Variants in EPSTI1 observed in about 807,000 individuals in gnomAD.
EPSTI1 encodes epithelial-stromal interaction protein 1.
In EPSTI1, 66 loss-of-function variants were observed where a neutral mutation model predicts 49.9. The observed-to-expected ratio is 1.32, with a 90% CI of 1.08 to 1.62. EPSTI1 has a LOEUF of 1.62. EPSTI1 is among the 40% of genes most tolerant of loss of function. The pLI is 0.00. For synonymous variants in EPSTI1, 137 were observed against 130.7 expected (o/e 1.05, Z -0.33); for missense variants, 394 against 365.5 (o/e 1.08, Z -0.64).
chr13:42,895,021 G>A lies in EPSTI1; in HGVS notation c.903C>T (p.Ser301=), dbSNP rs1128105. 0.35 allele frequency: 554,159 copies of A among 1,601,494 alleles called. 100,982 individuals carry two copies. The highest frequency in any genetic ancestry group is 0.6 in the East Asian group (26,925 of 44,678). Residue 301 remains serine (S), a synonymous_variant, in exon 10 of 11, where the codon AGC becomes AGT. Transcript: ENST00000313624. ...AGAAAAAACTCACCCAGCTGTTACC[G>A]CTATTCATATTCCAACAGCCTCCAG... ...EQSGGCWNMN[S]GNSWGI
intron 5 of EPSTI1, among the ~76,000 whole-genome samples, chr13:42,961,099 C>T (rs1465646061): frequency 6.6e-6 from 1 of 152,102 alleles, no homozygotes; most frequent in East Asian, 1.9e-4. Flanking sequence ...ACACAATAGG[C>T]CAGCTATTTC....
chr13:42,939,517 T>C (rs2038683372), intron 6 of EPSTI1, among the ~76,000 whole-genome samples: 1 of 152,158 alleles, frequency 6.6e-6, no homozygotes, highest in African/African-American at 2.4e-5. Context: ...GTGTCTCAGG[T>C]AATAGGAAAA....
chr13:42,894,896 C>A, intron 10 of EPSTI1, 113 bp downstream of exon 10: 1 of 888,236 alleles, frequency 1.1e-6, no homozygotes, highest in Non-Finnish European at 1.7e-6. Context: ...TGCCAAACAG[C>A]ACAACAACAA....
chr13:42,990,138 A>G (rs1364017319), intron 1 of EPSTI1, among the ~76,000 whole-genome samples: 1 of 151,246 alleles, frequency 6.6e-6, no homozygotes, highest in Non-Finnish European at 1.5e-5. Context: ...AAAAGGGAAT[A>G]TATAATTCTG....
intron 5 of EPSTI1, among the ~76,000 whole-genome samples, chr13:42,954,717 T>C (rs1024578963): frequency 1.9e-4 from 29 of 152,242 alleles, no homozygotes; most frequent in African/African-American, 6.5e-4. Context: ...ACTGTCATTT[T>C]TTAACTTGCT....
intron 6 of EPSTI1, among the ~76,000 whole-genome samples, chr13:42,949,458 T>C (rs2039027013): frequency 6.6e-6 from 1 of 151,930 alleles, no homozygotes; most frequent in African/African-American, 2.4e-5. Context: ...GGGCATGGTG[T>C]TGCATGCCTA....
chr13:42,896,679 CT>C (rs1246029050), intron 9 of EPSTI1, among the ~76,000 whole-genome samples: 1 of 152,214 alleles, frequency 6.6e-6, no homozygotes, highest in Non-Finnish European at 1.5e-5. Context: ...AAATGTCTTC[CT>C]TTTGCTTAAA....
chr13:42,949,376 G>C (rs1219014265), intron 6 of EPSTI1, among the ~76,000 whole-genome samples: 1 of 152,130 alleles, frequency 6.6e-6, no homozygotes, highest in African/African-American at 2.4e-5. Flanking sequence ...GATCACATGA[G>C]GTCAGGAGTT....
In EPSTI1 at chr13:42,911,290, TGA is replaced by T. The variant is rs1156674094; in HGVS notation, c.741+6249_741+6250del. Among the ~76,000 whole-genome samples, 29 of 113,040 alleles carry T rather than the reference TGA, an allele frequency of 2.6e-4. No individual in the cohort carries two copies. In the East Asian group the frequency reaches 3.0e-3, roughly 12 times the overall value. 74.2% of individuals were successfully genotyped at this position (113,040 alleles called of 152,430 possible). A position where few individuals can be genotyped will look rare whatever the true frequency, so the allele number is the denominator to read the frequency against. On this transcript the variant is annotated intron_variant, in intron 8 of 10. Coordinates refer to ENST00000313624, the MANE Select transcript of EPSTI1 (RefSeq NM_033255.5). ...GCGCGCGCACGCGCGCACACGTGTGTGAGTGTGCACATGCTTCCTTTATCAGA... is the reference window on the plus strand; with the variant it reads ...GCGCGCGCACGCGCGCACACGTGTGTGTGTGCACATGCTTCCTTTATCAGA...
chr13:42,988,730 CAA>C (rs66847581), intron 1 of EPSTI1, among the ~76,000 whole-genome samples: 65 of 105,614 alleles, frequency 6.2e-4, no homozygotes, highest in East Asian at 9.7e-4. Flanking sequence ...GACTCTGTCT[CAA>C]AAAAAAAAAA....
chr13:42,916,985 T>C, intron 8 of EPSTI1, among the ~76,000 whole-genome samples: 1 of 152,224 alleles, frequency 6.6e-6, no homozygotes, highest in East Asian at 1.9e-4. Context: ...ATGAAGATTA[T>C]TCTTTAAGCA....
rs142658103 is a variant in EPSTI1, at chr13:42,897,702, G to T, written c.816-2594C>A. On this transcript the variant is annotated intron_variant, in intron 9 of 10. Coordinates refer to ENST00000313624, the MANE Select transcript of EPSTI1 (RefSeq NM_033255.5). ...CAGTTACTAAGAGGACATCAGAGTG[G>T]TTGAGCACTCTTTGATACTATAGGA... Among the ~76,000 whole-genome samples the T allele has an allele frequency of 1.9e-3, 291 of 152,308 alleles. 1 individual carries two copies. Among genetic ancestry groups the T allele is most frequent in the African/African-American group, 6.6e-3 (275 of 41,566 alleles).
intron 6 of EPSTI1, among the ~76,000 whole-genome samples, chr13:42,926,630 T>C (rs1640941224): frequency 6.6e-6 from 1 of 152,160 alleles, no homozygotes; most frequent in African/African-American, 2.4e-5. Flanking sequence ...AAGAACAATA[T>C]TACAAAATTA....
At chr13:42,894,904 C>T in intron 10 of EPSTI1, 105 bp downstream of exon 10, 1 of 999,024 alleles carries the variant, frequency 1.0e-6, no homozygotes. Flanking sequence ...AGCACAACAA[C>T]AAAAACGTAA....
At chr13:42,962,610 C>T (rs1043308568) in intron 5 of EPSTI1, among the ~76,000 whole-genome samples, 3 of 57,840 alleles carry the variant, frequency 5.2e-5, no homozygotes, top group Admixed American at 4.0e-4. Context: ...CCTGTCTCTA[C>T]AAAAAATACA....
At chr13:42,924,777 T>A (rs1312166791) in intron 7 of EPSTI1, among the ~76,000 whole-genome samples, 1 of 152,148 alleles carries the variant, frequency 6.6e-6, no homozygotes, top group Non-Finnish European at 1.5e-5. Context: ...GAACATCACA[T>A]TAGAAGCAGA....
chr13:42,912,246 C>A (rs2037708644), intron 8 of EPSTI1, among the ~76,000 whole-genome samples: 1 of 152,204 alleles, frequency 6.6e-6, no homozygotes, highest in African/African-American at 2.4e-5. Context: ...TCTGAAGGAG[C>A]TCCAGGAGGG....
chr13:42,932,086 C>G (rs1189597530), intron 6 of EPSTI1, among the ~76,000 whole-genome samples: 1 of 150,992 alleles, frequency 6.6e-6, no homozygotes, highest in Non-Finnish European at 1.5e-5. Context: ...ACTACAGGAG[C>G]ACACCACAAT....
chr13:42,964,022 T>A, intron 4 of EPSTI1, 44 bp downstream of exon 4: 1 of 1,517,934 alleles, frequency 6.6e-7, no homozygotes, highest in South Asian at 1.2e-5. Flanking sequence ...GAGCTGGTAC[T>A]CATATTCCTT....
Sources: gnomAD v4.1 joint callset for allele counts (sites outside exome capture counted in the v4.1 genomes callset) on GRCh38, gnomAD v4.1.1 for gene constraint, MANE v1.5 for transcripts, NCBI Gene and HGNC (gene_info 2026-07-23, HGNC 2026-07-21) for gene names.